Variants in ATG3 observed in about 807,000 individuals in gnomAD.
ATG3 encodes the protein ubiquitin-like-conjugating enzyme ATG3.
ATG3 carries 25 observed loss-of-function variants against 50.7 expected under a neutral mutation model. The observed-to-expected ratio is 0.49, with a 90% confidence interval of 0.36 to 0.69. The LOEUF (loss-of-function observed/expected upper bound fraction) is 0.69. Ranked by LOEUF, ATG3 falls within the 30% of genes least tolerant of loss-of-function variation. The probability of loss-of-function intolerance (pLI) is 0.00; values close to 1 mark genes in which losing one functional copy is unlikely to be tolerated. For synonymous variants in ATG3, 119 were observed against 125.5 expected (o/e 0.95, Z 0.34); for missense variants, 281 against 376.0 (o/e 0.75, Z 2.09).
chr3:112,542,092 CAA>C (rs1559844207), intron 6 of ATG3, among the ~76,000 whole-genome samples: 1 of 151,460 alleles, frequency 6.6e-6, no homozygotes, highest in Non-Finnish European at 1.5e-5. Context: ...TGAAAAATAA[CAA>C]AGGTTATTAT....
intron 7 of ATG3, among the ~76,000 whole-genome samples, chr3:112,541,052 C>G (rs931339600): frequency 6.6e-6 from 1 of 152,144 alleles, no homozygotes; most frequent in African/African-American, 2.4e-5. Flanking sequence ...AGGAGGAGGA[C>G]TTTTCAGAAT....
chr3:112,540,519 A>ACC, intron 7 of ATG3, among the ~76,000 whole-genome samples: 1 of 152,114 alleles, frequency 6.6e-6, no homozygotes, highest in Non-Finnish European at 1.5e-5. Context: ...AACTCTCACA[A>ACC]AGTACTGGAT....
At position 112,558,399 on chromosome 3, in the gene ATG3, T is replaced by A. The variant is rs757555525; in HGVS notation, c.91A>T (p.Thr31Ser). 1.2e-6 allele frequency: 2 copies of A among 1,604,462 alleles called. No homozygotes were observed. Among genetic ancestry groups the A allele is most frequent in the Non-Finnish European group, 1.7e-6 (2 of 1,171,658 alleles). The change falls in exon 2 of 12, where the codon ACA becomes TCA. Residue 31 changes from threonine (T) to serine (S), a missense_variant. Coordinates refer to ENST00000283290, the MANE Select transcript of ATG3 (RefSeq NM_022488.5). The stretch of plus-strand genomic sequence containing the variant: ...ACCTCTTCTGGGGTAATTACACCTG[T>A]TTCCTTAAACTTTGATTCCTAAAAA... ...PVLKESKFKETGVITPEEFVA... is the reference protein window; with the variant it reads ...PVLKESKFKESGVITPEEFVA...
intron 2 of ATG3, among the ~76,000 whole-genome samples, chr3:112,554,806 A>C (rs1428945651): frequency 6.6e-6 from 1 of 152,256 alleles, no homozygotes; most frequent in Non-Finnish European, 1.5e-5. Context: ...TCAAATAAGA[A>C]TTCTAAGAAT....
intron 5 of ATG3, among the ~76,000 whole-genome samples, chr3:112,544,760 T>A (rs1188931298): frequency 6.6e-6 from 1 of 151,702 alleles, no homozygotes; most frequent in Non-Finnish European, 1.5e-5. Context: ...CTATTAGTTA[T>A]CTTAATATAG....
At chr3:112,559,662 G>A (rs1302119362) in intron 1 of ATG3, among the ~76,000 whole-genome samples, 1 of 152,228 alleles carries the variant, frequency 6.6e-6, no homozygotes, top group African/African-American at 2.4e-5. Flanking sequence ...TGCGAAGCGC[G>A]TTTCAGATAG....
chr3:112,548,878 G>A (rs184884829), intron 4 of ATG3, among the ~76,000 whole-genome samples: 1 of 152,192 alleles, frequency 6.6e-6, no homozygotes, highest in African/African-American at 2.4e-5. Flanking sequence ...AGCTCTATTG[G>A]GAATGTTCTA....
intron 10 of ATG3, 172 bp downstream of exon 10, chr3:112,536,303 T>C: frequency 1.3e-6 from 1 of 742,154 alleles, no homozygotes; most frequent in Non-Finnish European, 2.0e-6. Context: ...TTTTTTTCCT[T>C]TTTCTTATAT....
At chr3:112,554,546 G>C (rs547014882) in intron 2 of ATG3, among the ~76,000 whole-genome samples, 1 of 152,146 alleles carries the variant, frequency 6.6e-6, no homozygotes, top group African/African-American at 2.4e-5. Context: ...GACTCAGCCC[G>C]CCTGCACCCA....
In ATG3 at chr3:112,561,530, C is replaced by A; in HGVS notation, c.-2G>T. ...CACAGTATTAATCACATTCTGCATC[C>A]TGGGGCCGGAGTAGCGGCCGGCCCC... On this transcript the variant is annotated 5_prime_UTR_variant, in exon 1 of 12. It adds an upstream start codon to the 5' untranslated region. Transcript: ENST00000283290. The A allele has an allele frequency of 5.1e-6, 8 of 1,562,156 alleles. No individual in the cohort carries two copies. The highest frequency in any genetic ancestry group is 6.9e-6 in the Non-Finnish European group (8 of 1,151,120).
At chr3:112,560,347 C>G (rs1164843066) in intron 1 of ATG3, among the ~76,000 whole-genome samples, 1 of 152,124 alleles carries the variant, frequency 6.6e-6, no homozygotes, top group Non-Finnish European at 1.5e-5. Context: ...CAAATGTAAG[C>G]AAAGCAACAG....
At chr3:112,552,449 T>C (rs1370043745) in intron 3 of ATG3, among the ~76,000 whole-genome samples, 3 of 152,006 alleles carry the variant, frequency 2.0e-5, no homozygotes, top group African/African-American at 7.2e-5. Context: ...AGATTTATAA[T>C]GAAGGCCTTA....
intron 3 of ATG3, 29 bp from the exon 4 acceptor site, chr3:112,550,291 A>G: frequency 1.3e-6 from 2 of 1,541,196 alleles, no homozygotes; most frequent in Non-Finnish European, 1.8e-6. Context: ...GCACCAAAAT[A>G]CAAAACATAT....
chr3:112,533,806 G>A lies in ATG3; in HGVS notation c.863+463C>T, dbSNP rs2082572832. ...TACAAGAAAGGTGCTACTGTCTTGA[G>A]AAAAATGAACGTACTATATTTTAAG... On this transcript the variant is annotated intron_variant, in intron 11 of 11. Coordinates refer to ENST00000283290, the MANE Select transcript of ATG3 (RefSeq NM_022488.5). The A allele has an allele frequency of 3.0e-6, 3 of 985,508 alleles. No homozygotes were observed. The South Asian group carries it at 1.4e-4, about 46-fold the overall frequency. 61.0% of individuals were successfully genotyped at this position (985,508 alleles called of 1,614,324 possible).
At chr3:112,533,141 A>G (rs766196288) in intron 11 of ATG3, 21 of 994,698 alleles carry the variant, frequency 2.1e-5, no homozygotes, top group Non-Finnish European at 2.5e-5. Context: ...AATGAGGCAG[A>G]ATAGACTATA....
Position 112,561,500 on chromosome 3 carries a change from C to T in ATG3, c.29G>A (p.Gly10Glu). Reference sequence around the variant, plus strand: ...GTACTCAGCCACTTCCAGTGCCTTTCCCTTCACAGTATTAATCACATTCTG... The same window carrying T: ...GTACTCAGCCACTTCCAGTGCCTTTTCCTTCACAGTATTAATCACATTCTG... The part of the protein sequence containing the change: MQNVINTVK[G>E]KALEVAEYLT... Residue 10 changes from glycine to glutamate, a missense_variant, in exon 1 of 12, where the codon GGA (glycine) becomes GAA (glutamate). Transcript: ENST00000283290. 1.9e-6 allele frequency: 3 copies of T among 1,613,116 alleles called. No homozygotes were observed. Among genetic ancestry groups the T allele is most frequent in the Non-Finnish European group, 2.5e-6 (3 of 1,180,004 alleles).
Position 112,556,668 on chromosome 3 carries a change from T to C in ATG3, c.114+1708A>G, listed in dbSNP as rs147873922. ...AGGTAGACATTGTAGACTTTTCATTTTGTTCTGTACTAAGAAAAATTCTTC... is the reference window on the plus strand; with the variant it reads ...AGGTAGACATTGTAGACTTTTCATTCTGTTCTGTACTAAGAAAAATTCTTC... On this transcript the variant is annotated intron_variant, in intron 2 of 11. Transcript: ENST00000283290. Among the ~76,000 whole-genome samples, 323 of 152,366 alleles carry C rather than the reference T, an allele frequency of 2.1e-3. 16 individuals carry two copies. The East Asian group carries it at 0.056, about 26-fold the overall frequency.
At chr3:112,537,334 T>C (rs1933097319) in intron 9 of ATG3, among the ~76,000 whole-genome samples, 1 of 152,236 alleles carries the variant, frequency 6.6e-6, no homozygotes, top group Admixed American at 6.5e-5. Flanking sequence ...ATGAGTTTTC[T>C]GTCTTAAGGG....
chr3:112,548,944 A>T (rs1198259536), intron 4 of ATG3, among the ~76,000 whole-genome samples: 1 of 152,226 alleles, frequency 6.6e-6, no homozygotes, highest in East Asian at 1.9e-4. Flanking sequence ...TCAGAGATAC[A>T]TATCATAGTT....
Sources: gnomAD v4.1 joint callset for allele counts (sites outside exome capture counted in the v4.1 genomes callset) on GRCh38, gnomAD v4.1.1 for gene constraint, MANE v1.5 for transcripts, NCBI Gene and HGNC (gene_info 2026-07-23, HGNC 2026-07-21) for gene names.